PCDHGA11: variants seen among roughly 807,000 people sequenced by gnomAD.
The protein encoded by PCDHGA11 is protocadherin gamma-A11.
In PCDHGA11, 39 loss-of-function variants were observed where a neutral mutation model predicts 60.4. The observed-to-expected ratio is 0.65, with a 90% CI of 0.50 to 0.84. PCDHGA11 has a LOEUF of 0.84. Ranked by LOEUF, PCDHGA11 falls within the 40% of genes least tolerant of loss-of-function variation. The probability of loss-of-function intolerance (pLI) is 0.00; values close to 1 mark genes in which losing one functional copy is unlikely to be tolerated. For synonymous variants in PCDHGA11, 533 were observed against 510.3 expected, an observed-to-expected ratio of 1.04 and a Z score of -0.60; for missense variants, 1,165 against 1,197.7, an observed-to-expected ratio of 0.97 and a Z score of 0.40.
chr5:141,495,921 T>C (rs959070876), intron 2 of PCDHGA11, among the ~76,000 whole-genome samples: 1 of 152,196 alleles, frequency 6.6e-6, no homozygotes, highest in Non-Finnish European at 1.5e-5. Context: ...TCTTTCTTTG[T>C]CTCTGTCTCT....
intron 1 of PCDHGA11, among the ~76,000 whole-genome samples, chr5:141,449,240 G>A (rs535847654): frequency 6.6e-6 from 1 of 152,186 alleles, no homozygotes; most frequent in Non-Finnish European, 1.5e-5. Context: ...ATTTTCAAAG[G>A]AGTTGCAAGA....
rs775416808 is a variant in PCDHGA11, at chr5:141,429,727, G to A, written c.2433+6067G>A. ...TAAATATTTACGCTCATGAAAGTAC[G>A]TAGCCAGTTATTTCTTAGGGAGAAT... On this transcript the variant is annotated intron_variant, in intron 1 of 3. Transcript: ENST00000398587. 7.2e-5 allele frequency among the ~76,000 whole-genome samples: 11 copies of A among 152,158 alleles called. 1 individual carries two copies. The highest frequency in any genetic ancestry group is 1.9e-4 in the East Asian group (1 of 5,188).
At chr5:141,478,535 C>G (rs1359742091) in intron 1 of PCDHGA11, 1 of 1,607,794 alleles carries the variant, frequency 6.2e-7, no homozygotes, top group Non-Finnish European at 8.5e-7. Flanking sequence ...AGAGAGCGCC[C>G]CTCCCGGACA....
Position 141,489,524 on chromosome 5 carries a change from T to TA in PCDHGA11, c.2434-5282dup. Reference sequence around the variant, plus strand: ...AATCAAAAGATTGACCGAGAAAGCCTATGTGGAGCCAGCACCAGCTGCCTG... The same window carrying TA: ...AATCAAAAGATTGACCGAGAAAGCCTAATGTGGAGCCAGCACCAGCTGCCTG... On this transcript the variant is annotated intron_variant, in intron 1 of 3. Transcript: ENST00000398587. This position sits in a 1 kb window ranked among gnomAD's most constrained non-coding sequence, Gnocchi z 4.5. 6.2e-7 allele frequency: 1 copy of TA among 1,614,076 alleles called. No homozygotes were observed. Among genetic ancestry groups the TA allele is most frequent in the Non-Finnish European group, 8.5e-7 (1 of 1,180,010 alleles).
chr5:141,491,837 G>A lies in PCDHGA11; in HGVS notation c.2434-2970G>A, dbSNP rs1404051857. The A allele has an allele frequency of 1.4e-6, 2 of 1,472,862 alleles. No individual in the cohort carries two copies. The highest frequency in any genetic ancestry group is 1.8e-6 in the Non-Finnish European group (2 of 1,111,878). The allele number at this position is 1,472,862 out of a possible 1,614,324, so 91.2% of individuals were successfully genotyped here. A position where few individuals can be genotyped will look rare whatever the true frequency, so the allele number is the denominator to read the frequency against. ...TGGCTGCGCTCCACCCGATTCTCGG[G>A]ATCATTGGACCGTTTGCGCGAAACC... On this transcript the variant is annotated intron_variant, in intron 1 of 3. Transcript: ENST00000398587. The surrounding 1 kb of genome is among the most constrained non-coding windows in gnomAD (Gnocchi z 6.9).
chr5:141,468,860 C>A (rs941902317), intron 1 of PCDHGA11, among the ~76,000 whole-genome samples: 16 of 151,980 alleles, frequency 1.1e-4, no homozygotes, highest in Admixed American at 4.6e-4. Context: ...AGCGAGACTC[C>A]ATCTCAAAAA....
intron 2 of PCDHGA11, among the ~76,000 whole-genome samples, chr5:141,504,651 G>A (rs905210723): frequency 8.4e-6 from 1 of 119,750 alleles, no homozygotes; most frequent in Non-Finnish European, 1.6e-5. Flanking sequence ...ATGATAGAGT[G>A]TTTGAGGGCG....
intron 1 of PCDHGA11, chr5:141,441,697 C>T: frequency 6.5e-6 from 2 of 307,306 alleles, no homozygotes; most frequent in Non-Finnish European, 1.3e-5. Flanking sequence ...CAGCCGCGAG[C>T]CTTCAAGCTC....
chr5:141,471,046 C>CTTTT (rs1170588345), intron 1 of PCDHGA11, among the ~76,000 whole-genome samples: 3 of 113,278 alleles, frequency 2.6e-5, no homozygotes, highest in African/African-American at 7.1e-5. Flanking sequence ...CCCAAGCCCT[C>CTTTT]TTTTTTTTTT....
intron 1 of PCDHGA11, among the ~76,000 whole-genome samples, chr5:141,492,632 C>T (rs1359761285): frequency 1.3e-5 from 2 of 152,256 alleles, no homozygotes; most frequent in Admixed American, 1.3e-4. Context: ...CAGGACTCTA[C>T]GATCCTTGGG....
intron 1 of PCDHGA11, among the ~76,000 whole-genome samples, chr5:141,466,994 T>C (rs944607423): frequency 6.6e-6 from 1 of 152,176 alleles, no homozygotes; most frequent in African/African-American, 2.4e-5. Flanking sequence ...CTTTTGGCAT[T>C]TTTTTGCAAT....
Position 141,428,007 on chromosome 5 carries a change from A to T in PCDHGA11, c.2433+4347A>T, listed in dbSNP as rs770851074. 9.4e-6 allele frequency: 15 copies of T among 1,602,018 alleles called. No individual in the cohort carries two copies. In the African/African-American group the frequency reaches 1.5e-4, roughly 16 times the overall value. ...GCCCGATGGCTCCGCACTCTTCGAT[A>T]TAGTGCCACGCGCCGCAGAGTCCGG... On this transcript the variant is annotated intron_variant, in intron 1 of 3. Coordinates refer to ENST00000398587, the MANE Select transcript of PCDHGA11 (RefSeq NM_018914.3).
Position 141,487,322 on chromosome 5 carries a change from C to T in PCDHGA11, c.2434-7485C>T, listed in dbSNP as rs760334964. 7.4e-6 allele frequency: 12 copies of T among 1,614,134 alleles called. No homozygotes were observed. Among genetic ancestry groups the T allele is most frequent in the South Asian group, 3.3e-5 (3 of 91,082 alleles). ...CGTGGCACTACTCTCTAAGTGTCTT[C>T]GTGGGGCAGCCTGTGGAGTCACATG... On this transcript the variant is annotated intron_variant, in intron 1 of 3. Coordinates refer to ENST00000398587, the MANE Select transcript of PCDHGA11 (RefSeq NM_018914.3). The surrounding 1 kb of genome is among the most constrained non-coding windows in gnomAD (Gnocchi z 5.0).
At chr5:141,507,932 G>C (rs2099865030) in intron 3 of PCDHGA11, 1 of 152,338 alleles carries the variant, frequency 6.6e-6, no homozygotes, top group Admixed American at 6.5e-5. Context: ...TGCTGAGAGG[G>C]GTTAAGTAAG....
chr5:141,431,511 T>G lies in PCDHGA11; in HGVS notation c.2433+7851T>G, dbSNP rs1234369765. 6.2e-7 allele frequency: 1 copy of G among 1,614,018 alleles called. No individual in the cohort carries two copies. On this transcript the variant is annotated intron_variant, in intron 1 of 3. Transcript: ENST00000398587. The surrounding 1 kb of genome is among the most constrained non-coding windows in gnomAD (Gnocchi z 4.8). ...GCTCAGCCCGAGTACCGCGCGAGCGTTCCGGAGAATCTGGCCTTGGGCACG... is the reference window on the plus strand; with the variant it reads ...GCTCAGCCCGAGTACCGCGCGAGCGGTCCGGAGAATCTGGCCTTGGGCACG...
At position 141,477,197 on chromosome 5, in the gene PCDHGA11, G is replaced by A. The variant is rs781504885; in HGVS notation, c.2434-17610G>A. ...CACAGTCACCTCCGTGTACAGCCCA[G>A]TACCCGAGGATGCCCCTCTGGGGAC... On this transcript the variant is annotated intron_variant, in intron 1 of 3. Coordinates refer to ENST00000398587, the MANE Select transcript of PCDHGA11 (RefSeq NM_018914.3). The surrounding 1 kb of genome is among the most constrained non-coding windows in gnomAD (Gnocchi z 4.9). 1 of 1,614,210 alleles carries A rather than the reference G, an allele frequency of 6.2e-7. No homozygotes were observed. Among genetic ancestry groups the A allele is most frequent in the East Asian group, 2.2e-5 (1 of 44,874 alleles).
At chr5:141,433,866 T>C (rs1191114798) in intron 1 of PCDHGA11, among the ~76,000 whole-genome samples, 1 of 151,870 alleles carries the variant, frequency 6.6e-6, no homozygotes, top group African/African-American at 2.4e-5. Context: ...CTTTATCCTC[T>C]AGTTTCATCC....
rs761831761 is a variant in PCDHGA11 at position 141,485,471 on chromosome 5, G to A, written c.2434-9336G>A. The A allele has an allele frequency of 4.3e-6, 7 of 1,614,144 alleles. No homozygotes were observed. The Admixed American group carries it at 5.0e-5, about 12-fold the overall frequency. On this transcript the variant is annotated intron_variant, in intron 1 of 3. Transcript: ENST00000398587. This position sits in a 1 kb window ranked among gnomAD's most constrained non-coding sequence, Gnocchi z 5.7. ...CCGAGAGGCACTGTGTGGGCTCAGT[G>A]CCAGCTGCATCGTGCCCCTGGAGTT...
chr5:141,482,514 G>A (rs2099563611), intron 1 of PCDHGA11, among the ~76,000 whole-genome samples: 1 of 130,122 alleles, frequency 7.7e-6, no homozygotes. Flanking sequence ...CCAGAGTACA[G>A]TATGAGACAG....
Sources: gnomAD v4.1 joint callset for allele counts (sites outside exome capture counted in the v4.1 genomes callset) on GRCh38, gnomAD v4.1.1 for gene constraint, Gnocchi (gnomAD v3.1) non-coding constraint, MANE v1.5 for transcripts, NCBI Gene and HGNC (gene_info 2026-07-23, HGNC 2026-07-21) for gene names.